ELMO1: variants seen among roughly 807,000 people sequenced by gnomAD.
The protein encoded by ELMO1 is engulfment and cell motility 1.
A neutral mutation model predicts 98.9 loss-of-function variants in ELMO1; 26 were observed. The ratio of observed to expected loss-of-function variants is 0.26; its 90% confidence interval spans 0.19 to 0.36. ELMO1 has a LOEUF of 0.36. Ranked by LOEUF, ELMO1 falls within the 10% of genes least tolerant of loss-of-function variation. The pLI is 1.00. For synonymous variants in ELMO1, 346 were observed against 346.0 expected, an observed-to-expected ratio of 1.00 and a Z score of 0.00; for missense variants, 627 against 935.2, an observed-to-expected ratio of 0.67 and a Z score of 4.30.
At position 37,093,354 on chromosome 7, in the gene ELMO1, T is replaced by C. The variant is rs543646689; in HGVS notation, c.1300+3265A>G. Among the ~76,000 whole-genome samples the C allele has an allele frequency of 2.0e-5, 3 of 152,342 alleles. No homozygotes were observed. In the South Asian group the frequency reaches 6.2e-4, roughly 32 times the overall value. ...GAAATGCTTTCTAGAAAATTGGATCTTTCTACTTTTGTAAACATCCTTTCT... is the reference window on the plus strand; with the variant it reads ...GAAATGCTTTCTAGAAAATTGGATCCTTCTACTTTTGTAAACATCCTTTCT... On this transcript the variant is annotated intron_variant, in intron 15 of 21. Coordinates refer to ENST00000310758, the MANE Select transcript of ELMO1 (RefSeq NM_014800.11).
Position 37,212,256 on chromosome 7 carries a change from G to A in ELMO1, c.955-739C>T, listed in dbSNP as rs1793017978. Among the ~76,000 whole-genome samples, 4 of 152,136 alleles carry A rather than the reference G, an allele frequency of 2.6e-5. No homozygotes were observed. In the South Asian group the frequency reaches 8.3e-4, roughly 32 times the overall value. The stretch of plus-strand genomic sequence containing the variant: ...GGAATGGGGAGTTAGTGTTTAATGG[G>A]TACAGAGTTTCAGTTCTGCAAGATA... On this transcript the variant is annotated intron_variant, in intron 12 of 21. Transcript: ENST00000310758.
chr7:36,952,801 T>C (rs1788078097), intron 16 of ELMO1, among the ~76,000 whole-genome samples: 1 of 151,294 alleles, frequency 6.6e-6, no homozygotes, highest in South Asian at 2.1e-4. Context: ...GAAAAAAAAA[T>C]ACACAGAGAG....
At chr7:37,225,618 C>A (rs1793827257) in intron 8 of ELMO1, among the ~76,000 whole-genome samples, 1 of 152,100 alleles carries the variant, frequency 6.6e-6, no homozygotes. Flanking sequence ...AAAACAAGTT[C>A]TTTTCATCTC....
intron 15 of ELMO1, among the ~76,000 whole-genome samples, chr7:37,053,002 C>G (rs1449547443): frequency 3.9e-5 from 6 of 152,142 alleles, no homozygotes; most frequent in Admixed American, 2.6e-4. Flanking sequence ...GGGTGTCAGG[C>G]AGAAAGAATC....
rs1264427481 is a variant in ELMO1, at chr7:37,342,754, G to T, written c.-64C>A. 7.2e-6 allele frequency: 10 copies of T among 1,387,368 alleles called. No individual in the cohort carries two copies. The African/African-American group carries it at 1.3e-4, about 18-fold the overall frequency. 85.9% of individuals were successfully genotyped at this position (1,387,368 alleles called of 1,614,324 possible). A position where few individuals can be genotyped will look rare whatever the true frequency, so the allele number is the denominator to read the frequency against. On this transcript the variant is annotated 5_prime_UTR_variant, in exon 2 of 22. Coordinates refer to ENST00000310758, the MANE Select transcript of ELMO1 (RefSeq NM_014800.11). The surrounding 1 kb of genome is among the most constrained non-coding windows in gnomAD (Gnocchi z 4.3). ...GATCCTACAGCGTAAACGGCCACAC[G>T]TGTCTATACCTAATGAGGAATGACA...
At chr7:37,244,030 A>G (rs1468353302) in intron 7 of ELMO1, among the ~76,000 whole-genome samples, 7 of 152,188 alleles carry the variant, frequency 4.6e-5, no homozygotes, top group African/African-American at 1.7e-4. Flanking sequence ...CAGGCCACAT[A>G]AAAGTTAGTT....
chr7:37,069,288 C>T (rs567123743), intron 15 of ELMO1, among the ~76,000 whole-genome samples: 1 of 152,274 alleles, frequency 6.6e-6, no homozygotes, highest in African/African-American at 2.4e-5. Context: ...AAGTCTGGTC[C>T]TAAGACCTCT....
At chr7:36,959,971 T>C (rs1788804513) in intron 16 of ELMO1, among the ~76,000 whole-genome samples, 1 of 152,156 alleles carries the variant, frequency 6.6e-6, no homozygotes, top group Admixed American at 6.5e-5. Context: ...ACAAGGAAGA[T>C]TAACTCCCAG....
chr7:37,396,843 A>C (rs908126000), intron 1 of ELMO1, among the ~76,000 whole-genome samples: 6 of 152,246 alleles, frequency 3.9e-5, no homozygotes, highest in African/African-American at 1.2e-4. Context: ...GAGTTCAATA[A>C]GTGTTAGCCA....
intron 13 of ELMO1, among the ~76,000 whole-genome samples, chr7:37,208,130 T>C (rs1351039990): frequency 1.8e-4 from 28 of 152,238 alleles, no homozygotes; most frequent in Admixed American, 1.7e-3. Flanking sequence ...ATTTCTATGA[T>C]GTGTTCTCTC....
At chr7:37,391,736 ACTCAAGAG>A in intron 1 of ELMO1, among the ~76,000 whole-genome samples, 1 of 152,320 alleles carries the variant, frequency 6.6e-6, no homozygotes, top group East Asian at 1.9e-4. Flanking sequence ...AGCCTCTGCT[ACTCAAGAG>A]CTTCAAGATT....
At chr7:37,020,781 T>C (rs1485301087) in intron 15 of ELMO1, among the ~76,000 whole-genome samples, 2 of 152,288 alleles carry the variant, frequency 1.3e-5, no homozygotes, top group East Asian at 3.9e-4. Context: ...ATGGTGCACT[T>C]TGAAAAACAC....
At chr7:36,927,649 C>T (rs796585402) in intron 16 of ELMO1, among the ~76,000 whole-genome samples, 52 of 152,314 alleles carry the variant, frequency 3.4e-4, no homozygotes, top group African/African-American at 1.2e-3. Context: ...CTGGGGACCA[C>T]ACAGTGGTTC....
At chr7:37,322,435 G>A (rs1163449240) in intron 2 of ELMO1, among the ~76,000 whole-genome samples, 1 of 152,078 alleles carries the variant, frequency 6.6e-6, no homozygotes, top group Non-Finnish European at 1.5e-5. Context: ...GGCCAACATG[G>A]TGAAACCCCA....
intron 6 of ELMO1, among the ~76,000 whole-genome samples, chr7:37,249,143 C>T (rs905521778): frequency 6.6e-6 from 1 of 152,156 alleles, no homozygotes; most frequent in Non-Finnish European, 1.5e-5. Flanking sequence ...TCAAGCTATA[C>T]CTCAGTTTTC....
chr7:37,208,770 A>G (rs1792790613), intron 13 of ELMO1, among the ~76,000 whole-genome samples: 1 of 152,284 alleles, frequency 6.6e-6, no homozygotes, highest in East Asian at 1.9e-4. Flanking sequence ...CATTTCCAGC[A>G]CTCAAAATCA....
At chr7:37,268,798 AG>A (rs1796399098) in intron 5 of ELMO1, among the ~76,000 whole-genome samples, 1 of 152,256 alleles carries the variant, frequency 6.6e-6, no homozygotes. Flanking sequence ...CCATTTCTCT[AG>A]GATCAATCCA....
rs145932447 is a variant in ELMO1, at chr7:37,097,390, T to C, written c.1192-663A>G. Among the ~76,000 whole-genome samples, 823 of 152,098 alleles carry C rather than the reference T, an allele frequency of 5.4e-3. 3 individuals carry two copies. The highest frequency in any genetic ancestry group is 0.024 in the Middle Eastern group (7 of 294). ...AATACTAAAAATAAAATAAAAACTATCTCTACTAAAATTACTACTCTCTCT... is the reference window on the plus strand; with the variant it reads ...AATACTAAAAATAAAATAAAAACTACCTCTACTAAAATTACTACTCTCTCT... On this transcript the variant is annotated intron_variant, in intron 14 of 21. Transcript: ENST00000310758.
intron 16 of ELMO1, among the ~76,000 whole-genome samples, chr7:36,904,396 G>A (rs901503096): frequency 3.9e-5 from 6 of 152,190 alleles, no homozygotes; most frequent in Non-Finnish European, 5.9e-5. Flanking sequence ...AGGGGATAGC[G>A]GTGCTCAGGC....
Sources: gnomAD v4.1 joint callset for allele counts (sites outside exome capture counted in the v4.1 genomes callset) on GRCh38, gnomAD v4.1.1 for gene constraint, Gnocchi (gnomAD v3.1) non-coding constraint, MANE v1.5 for transcripts, NCBI Gene and HGNC (gene_info 2026-07-23, HGNC 2026-07-21) for gene names.